The following TRIM24 variants were observed in gnomAD, a reference collection of about 807,000 sequenced individuals.
TRIM24 encodes tripartite motif containing 24, also known as transcription intermediary factor 1-alpha.
Under a neutral mutation model 123.9 loss-of-function variants are expected in TRIM24, and 29 were observed. The ratio of observed to expected loss-of-function variants is 0.23; its 90% confidence interval spans 0.17 to 0.32. TRIM24 has a LOEUF of 0.32. Among genes scored for constraint, TRIM24 ranks in the 10% least tolerant of loss-of-function variants. The probability of loss-of-function intolerance (pLI) is 1.00; values close to 1 mark genes in which losing one functional copy is unlikely to be tolerated. For missense variants in TRIM24, 932 were observed against 1,295.3 expected, an observed-to-expected ratio of 0.72 and a Z score of 4.31; for synonymous variants, 456 against 461.1, an observed-to-expected ratio of 0.99 and a Z score of 0.14.
At chr7:138,538,563 G>T (rs1311826730) in intron 6 of TRIM24, 94 bp from the exon 7 acceptor site, 2 of 1,290,562 alleles carry the variant, frequency 1.5e-6, no homozygotes, top group Non-Finnish European at 2.2e-6. Context: ...AGTAATTAGA[G>T]ATTGTAGTTA....
At chr7:138,581,858 T>C in intron 17 of TRIM24, 87 bp downstream of exon 17, 5 of 1,043,260 alleles carry the variant, frequency 4.8e-6, no homozygotes, top group Non-Finnish European at 7.2e-6. Context: ...TTACCATTTT[T>C]CAGTACTTTT....
intron 6 of TRIM24, among the ~76,000 whole-genome samples, chr7:138,532,417 T>G (rs1458103819): frequency 6.6e-6 from 1 of 152,204 alleles, no homozygotes; most frequent in Non-Finnish European, 1.5e-5. Flanking sequence ...GGGATCCAGT[T>G]TCAGCTTTCT....
chr7:138,465,702 G>A (rs542427234), intron 1 of TRIM24, among the ~76,000 whole-genome samples: 20 of 152,232 alleles, frequency 1.3e-4, no homozygotes, highest in African/African-American at 4.8e-4. Context: ...TAATATTTAA[G>A]AATGATCTGT....
At position 138,508,678 on chromosome 7, in the gene TRIM24, T is replaced by TGCGC. The variant is rs1554436586; in HGVS notation, c.483+4271_483+4272insCGCG. Among the ~76,000 whole-genome samples the TGCGC allele has an allele frequency of 2.4e-3, 125 of 51,282 alleles. 3 individuals are homozygous for TGCGC. Among genetic ancestry groups the TGCGC allele is most frequent in the East Asian group, 0.02 (40 of 2,014 alleles). The allele number at this position is 51,282 out of a possible 152,430, so 33.6% of individuals were successfully genotyped here. On this transcript the variant is annotated intron_variant, in intron 2 of 18. Coordinates refer to ENST00000343526, the MANE Select transcript of TRIM24 (RefSeq NM_015905.3). Reference sequence around the variant, plus strand: ...AATAAGAGGAGTGTGTGTGTGTGTGTGTGTGTGTGTGTGTGCGCGCGCGTG... The same window carrying TGCGC: ...AATAAGAGGAGTGTGTGTGTGTGTGTGCGCGTGTGTGTGTGTGTGCGCGCGCGTG...
chr7:138,469,309 T>G (rs979123661), intron 1 of TRIM24, among the ~76,000 whole-genome samples: 1 of 152,056 alleles, frequency 6.6e-6, no homozygotes, highest in Non-Finnish European at 1.5e-5. Flanking sequence ...CTTTCTGCAA[T>G]GTAACCTTGA....
At chr7:138,465,193 A>G (rs779349265) in intron 1 of TRIM24, among the ~76,000 whole-genome samples, 1 of 152,264 alleles carries the variant, frequency 6.6e-6, no homozygotes, top group Non-Finnish European at 1.5e-5. Context: ...CTTCGGTTTA[A>G]CTGTCCTTTT....
At chr7:138,490,256 CT>C in intron 1 of TRIM24, among the ~76,000 whole-genome samples, 1 of 152,072 alleles carries the variant, frequency 6.6e-6, no homozygotes, top group Non-Finnish European at 1.5e-5. Context: ...TTCGTCTAAT[CT>C]TTTTTCAAGG....
chr7:138,529,488 G>A (rs1017629616), intron 6 of TRIM24, among the ~76,000 whole-genome samples: 1 of 152,112 alleles, frequency 6.6e-6, no homozygotes, highest in Non-Finnish European at 1.5e-5. Context: ...GAGGATCTCT[G>A]AATGTTAAAC....
intron 7 of TRIM24, among the ~76,000 whole-genome samples, chr7:138,543,927 T>A (rs1797052395): frequency 6.6e-6 from 1 of 152,140 alleles, no homozygotes. Context: ...CTCAAACTTG[T>A]AGGCTCAAGC....
In TRIM24 at chr7:138,515,223, C is replaced by T; in HGVS notation, c.495C>T (p.Ser165=). The change falls in exon 3 of 19, where the codon AGC becomes AGT. Residue 165 remains serine (S), a synonymous_variant. Transcript: ENST00000343526. ...GGTTCTTTTGTCAGGTATGTACAAGCTGTGAGGACAACGCAGAAGCCAATG... is the reference window on the plus strand; with the variant it reads ...GGTTCTTTTGTCAGGTATGTACAAGTTGTGAGGACAACGCAGAAGCCAATG... ...TVEKSNQVCT[S]CEDNAEANGF... The T allele has an allele frequency of 1.2e-6, 2 of 1,612,396 alleles. No individual in the cohort carries two copies. The highest frequency in any genetic ancestry group is 1.7e-6 in the Non-Finnish European group (2 of 1,178,958).
chr7:138,483,875 A>G (rs954531340), intron 1 of TRIM24, among the ~76,000 whole-genome samples: 1 of 152,166 alleles, frequency 6.6e-6, no homozygotes, highest in Non-Finnish European at 1.5e-5. Flanking sequence ...TTTAAGCATA[A>G]GCAGAAATTG....
chr7:138,572,488 TCCTCATACAGGTGAAC>T (rs1797677666), intron 11 of TRIM24, among the ~76,000 whole-genome samples: 1 of 52,338 alleles, frequency 1.9e-5, no homozygotes, highest in Non-Finnish European at 5.0e-5. Context: ...TCCTCTGCAG[TCCTCATACAGGTGAAC>T]CTTTTTCCAC....
intron 9 of TRIM24, among the ~76,000 whole-genome samples, chr7:138,555,976 A>G (rs902778628): frequency 2.6e-4 from 40 of 152,196 alleles, no homozygotes; most frequent in Non-Finnish European, 5.1e-4. Context: ...TTGGTTGTCA[A>G]TATGTAAACA....
At chr7:138,535,025 C>G (rs1372490837) in intron 6 of TRIM24, among the ~76,000 whole-genome samples, 1 of 152,126 alleles carries the variant, frequency 6.6e-6, no homozygotes. Context: ...TTATCAGAGA[C>G]TAGGATTGCC....
At chr7:138,523,587 C>G (rs28584756) in intron 4 of TRIM24, among the ~76,000 whole-genome samples, 3,241 of 152,114 alleles carry the variant, frequency 0.021, 95 homozygotes, top group African/African-American at 0.071. Context: ...AACCCCGTCT[C>G]TACTAAACAT....
At chr7:138,503,601 A>G (rs1796087508) in intron 1 of TRIM24, among the ~76,000 whole-genome samples, 1 of 150,356 alleles carries the variant, frequency 6.7e-6, no homozygotes, top group Non-Finnish European at 1.5e-5. Context: ...AGTTTAAATT[A>G]TATGGCATCA....
At chr7:138,486,017 T>C (rs1013490612) in intron 1 of TRIM24, among the ~76,000 whole-genome samples, 1 of 152,240 alleles carries the variant, frequency 6.6e-6, no homozygotes, top group Non-Finnish European at 1.5e-5. Flanking sequence ...TCCTGACTTT[T>C]TAATGATCGC....
At chr7:138,535,035 C>A (rs893210226) in intron 6 of TRIM24, among the ~76,000 whole-genome samples, 1 of 151,842 alleles carries the variant, frequency 6.6e-6, no homozygotes, top group Non-Finnish European at 1.5e-5. Flanking sequence ...CTAGGATTGC[C>A]ACCCCTGCCT....
chr7:138,536,612 G>A (rs545020015), intron 6 of TRIM24, among the ~76,000 whole-genome samples: 2 of 152,356 alleles, frequency 1.3e-5, no homozygotes, highest in East Asian at 3.9e-4. Flanking sequence ...TGTGTGAGGT[G>A]TCAGTCTGCC....
Sources: gnomAD v4.1 joint callset for allele counts (sites outside exome capture counted in the v4.1 genomes callset) on GRCh38, gnomAD v4.1.1 for gene constraint, MANE v1.5 for transcripts, NCBI Gene and HGNC (gene_info 2026-07-23, HGNC 2026-07-21) for gene names.